The following GRIN2B variants were observed in gnomAD, a reference collection of about 807,000 sequenced individuals.
GRIN2B encodes glutamate ionotropic receptor NMDA type subunit 2B.
Under a neutral mutation model 114.5 loss-of-function variants are expected in GRIN2B, and 5 were observed. The ratio of observed to expected loss-of-function variants is 0.04; its 90% CI spans 0.02 to 0.09. The LOEUF is 0.09. Ranked by LOEUF, GRIN2B falls within the 10% of genes least tolerant of loss-of-function variation. The pLI is 1.00. For synonymous variants in GRIN2B, 787 were observed against 745.1 expected (o/e 1.06, Z -0.92); for missense variants, 1,108 against 1,943.5 (o/e 0.57, Z 8.08).
In GRIN2B at chr12:13,547,981, A is replaced by ATATTTTTTTTTTTTTTTTTTTTTTT; in HGVS notation, c.*14801_*14802insAAAAAAAAAAAAAAAAAAAAAAATA. The ATATTTTTTTTTTTTTTTTTTTTTTT allele has an allele frequency of 2.9e-5, 2 of 68,578 alleles. No homozygotes were observed. Among genetic ancestry groups the ATATTTTTTTTTTTTTTTTTTTTTTT allele is most frequent in the African/African-American group, 9.2e-5 (2 of 21,750 alleles). 4.2% of individuals were successfully genotyped at this position (68,578 alleles called of 1,614,324 possible). On this transcript the variant is annotated 3_prime_UTR_variant, in exon 14 of 14. Coordinates refer to ENST00000609686, the MANE Select transcript of GRIN2B (RefSeq NM_000834.5). ...TGTGTATATATATATATATATATAT[A>ATATTTTTTTTTTTTTTTTTTTTTTT]TTTTTTTTTTTTTTCTGAAAGCTAC...
intron 2 of GRIN2B, among the ~76,000 whole-genome samples, chr12:13,877,586 T>G (rs1458288367): frequency 6.6e-6 from 1 of 152,116 alleles, no homozygotes; most frequent in Non-Finnish European, 1.5e-5. Context: ...AATTATAGGA[T>G]GGGTAGAATA....
At chr12:13,657,870 A>T (rs917894548) in intron 5 of GRIN2B, among the ~76,000 whole-genome samples, 1 of 152,200 alleles carries the variant, frequency 6.6e-6, no homozygotes, top group African/African-American at 2.4e-5. Context: ...GATGTATAAT[A>T]CTATCTCAAT....
intron 2 of GRIN2B, among the ~76,000 whole-genome samples, chr12:13,883,989 G>A (rs1866111117): frequency 6.6e-6 from 1 of 152,084 alleles, no homozygotes; most frequent in South Asian, 2.1e-4. Flanking sequence ...ATGAGTCGAG[G>A]TTCATTTAGG....
chr12:13,636,186 CA>C (rs1949664211), intron 5 of GRIN2B, among the ~76,000 whole-genome samples: 2 of 152,254 alleles, frequency 1.3e-5, no homozygotes, highest in South Asian at 4.2e-4. Context: ...GAAGACTCTG[CA>C]AGGGCAAAGA....
intron 3 of GRIN2B, among the ~76,000 whole-genome samples, chr12:13,801,140 C>T (rs1159330302): frequency 1.3e-5 from 2 of 152,140 alleles, no homozygotes; most frequent in African/African-American, 4.8e-5. Context: ...GCCATATCAA[C>T]ATATACTTAT....
intron 11 of GRIN2B, among the ~76,000 whole-genome samples, chr12:13,571,375 C>T (rs112784493): frequency 1.9e-4 from 29 of 152,190 alleles, no homozygotes; most frequent in Non-Finnish European, 3.7e-4. Flanking sequence ...GATCAGTCAA[C>T]GCATTCTTAC....
chr12:13,853,963 C>G (rs1019253654), intron 3 of GRIN2B, among the ~76,000 whole-genome samples: 1 of 152,186 alleles, frequency 6.6e-6, no homozygotes, highest in Admixed American at 6.5e-5. Flanking sequence ...CTTGCAAAGT[C>G]TGTAGTCTAG....
chr12:13,913,913 A>T (rs1335528131), intron 2 of GRIN2B, among the ~76,000 whole-genome samples: 1 of 152,206 alleles, frequency 6.6e-6, no homozygotes, highest in East Asian at 1.9e-4. Context: ...AGCTGAGAGG[A>T]TTAAATAAGT....
At chr12:13,832,072 G>A (rs1365640221) in intron 3 of GRIN2B, among the ~76,000 whole-genome samples, 2 of 152,144 alleles carry the variant, frequency 1.3e-5, no homozygotes, top group Non-Finnish European at 2.9e-5. Context: ...CTGGCCAACA[G>A]AAGTAGAAGG....
intron 3 of GRIN2B, among the ~76,000 whole-genome samples, chr12:13,854,260 C>A (rs1177507765): frequency 1.3e-5 from 2 of 152,096 alleles, no homozygotes; most frequent in Admixed American, 1.3e-4. Flanking sequence ...GCCTATAATC[C>A]CAGCACTTTA....
intron 3 of GRIN2B, among the ~76,000 whole-genome samples, chr12:13,840,573 GATC>G (rs1865360471): frequency 1.3e-5 from 2 of 151,992 alleles, no homozygotes; most frequent in South Asian, 4.2e-4. Flanking sequence ...ATAAAAACAA[GATC>G]ATTAATGTCA....
intron 4 of GRIN2B, among the ~76,000 whole-genome samples, chr12:13,732,189 T>G (rs1390669749): frequency 6.6e-6 from 1 of 152,026 alleles, no homozygotes; most frequent in Non-Finnish European, 1.5e-5. Context: ...AAAACAGAGC[T>G]GGAGAAAATA....
At chr12:13,939,071 T>C (rs1030902126) in intron 2 of GRIN2B, among the ~76,000 whole-genome samples, 3 of 152,216 alleles carry the variant, frequency 2.0e-5, no homozygotes, top group Admixed American at 6.5e-5. Context: ...TCCTTGTCTA[T>C]TCTGAATGTA....
chr12:13,571,684 G>T, intron 11 of GRIN2B, 120 bp downstream of exon 11: 1 of 1,044,938 alleles, frequency 9.6e-7, no homozygotes, highest in Non-Finnish European at 1.5e-6. Flanking sequence ...AAGAGCAAAT[G>T]AAGTCTTCTT....
At chr12:13,658,682 A>G (rs1220844000) in intron 5 of GRIN2B, among the ~76,000 whole-genome samples, 2 of 152,110 alleles carry the variant, frequency 1.3e-5, no homozygotes, top group South Asian at 2.1e-4. Context: ...TAAATTGTCA[A>G]GAAAAACCCT....
At chr12:13,585,476 C>T (rs930387220) in intron 10 of GRIN2B, among the ~76,000 whole-genome samples, 6 of 152,170 alleles carry the variant, frequency 3.9e-5, no homozygotes, top group African/African-American at 9.7e-5. Context: ...CAGCCCTATG[C>T]GAGGGACACT....
intron 3 of GRIN2B, among the ~76,000 whole-genome samples, chr12:13,788,420 T>C (rs917620053): frequency 8.5e-5 from 13 of 152,192 alleles, no homozygotes; most frequent in African/African-American, 2.9e-4. Flanking sequence ...AGAAAAATTA[T>C]AAAAATCTAG....
Position 13,615,784 on chromosome 12 carries a change from A to G in GRIN2B, c.1329-120T>C. 1 of 799,456 alleles carries G rather than the reference A, an allele frequency of 1.3e-6. No homozygotes were observed. Among genetic ancestry groups the G allele is most frequent in the Non-Finnish European group, 2.2e-6 (1 of 450,638 alleles). The allele number at this position is 799,456 out of a possible 1,614,324, so 49.5% of individuals were successfully genotyped here. A position where few individuals can be genotyped will look rare whatever the true frequency, so the allele number is the denominator to read the frequency against. Reference sequence around the variant, plus strand: ...CCAAAGCAGGCCCCCTTCACAGCTCAGCACAATTTATACTAGACTCGAGTG... The same window carrying G: ...CCAAAGCAGGCCCCCTTCACAGCTCGGCACAATTTATACTAGACTCGAGTG... On this transcript the variant is annotated intron_variant, in intron 6 of 13. Coordinates refer to ENST00000609686, the MANE Select transcript of GRIN2B (RefSeq NM_000834.5). The surrounding 1 kb of genome is among the most constrained non-coding windows in gnomAD (Gnocchi z 5.8).
At chr12:13,845,666 T>A (rs149038974) in intron 3 of GRIN2B, among the ~76,000 whole-genome samples, 22 of 152,272 alleles carry the variant, frequency 1.4e-4, no homozygotes, top group African/African-American at 4.6e-4. Context: ...GTCTCTAAGA[T>A]CCCTTCCAAC....
Sources: allele counts gnomAD v4.1 joint callset (sites outside exome capture counted in the v4.1 genomes callset), GRCh38; gene constraint gnomAD v4.1.1; non-coding constraint Gnocchi (gnomAD v3.1); transcripts MANE v1.5; gene names NCBI Gene and HGNC (gene_info 2026-07-23, HGNC 2026-07-21).